The following GRIK2 variants were observed in gnomAD, a reference collection of about 807,000 sequenced individuals.
GRIK2 encodes glutamate ionotropic receptor kainate type subunit 2.
Under a neutral mutation model 100.3 loss-of-function variants are expected in GRIK2, and 32 were observed. The ratio of observed to expected loss-of-function variants is 0.32; its 90% CI spans 0.24 to 0.43. GRIK2 has a LOEUF of 0.43. Among genes scored for constraint, GRIK2 ranks in the 20% least tolerant of loss-of-function variants. GRIK2 has a pLI of 1.00. For missense variants in GRIK2, 843 were observed against 1,114.9 expected (o/e 0.76, Z 3.47); for synonymous variants, 417 against 389.4 (o/e 1.07, Z -0.83).
At chr6:101,427,280 A>G (rs986432753) in intron 2 of GRIK2, among the ~76,000 whole-genome samples, 1 of 152,220 alleles carries the variant, frequency 6.6e-6, no homozygotes, top group African/African-American at 2.4e-5. Context: ...AATTTCTTCC[A>G]CATTCAATAA....
chr6:101,795,128 A>G (rs1340448385), intron 7 of GRIK2, among the ~76,000 whole-genome samples: 1 of 152,028 alleles, frequency 6.6e-6, no homozygotes, highest in African/African-American at 2.4e-5. Context: ...CGGCCTCCCA[A>G]AGTGTTGGAA....
chr6:102,013,342 G>A (rs529645399), intron 14 of GRIK2, among the ~76,000 whole-genome samples: 10 of 152,224 alleles, frequency 6.6e-5, no homozygotes, highest in Admixed American at 2.6e-4. Context: ...GGCTGAGAAT[G>A]CAGAGCTTTC....
At chr6:101,471,425 C>T (rs948989362) in intron 2 of GRIK2, among the ~76,000 whole-genome samples, 1 of 152,050 alleles carries the variant, frequency 6.6e-6, no homozygotes, top group African/African-American at 2.4e-5. Flanking sequence ...GTGTCTATAA[C>T]TTTCATGCAG....
At chr6:102,065,922 T>A in intron 16 of GRIK2, 1 of 1,400,818 alleles carries the variant, frequency 7.1e-7, no homozygotes, top group South Asian at 1.6e-5. Context: ...AATAAGTACA[T>A]CTAATAGTAG....
At chr6:101,617,997 G>A (rs1026554156) in intron 2 of GRIK2, among the ~76,000 whole-genome samples, 12 of 151,452 alleles carry the variant, frequency 7.9e-5, no homozygotes, top group South Asian at 2.1e-4. Flanking sequence ...ACATATACAC[G>A]TGTGTGTGTC....
intron 12 of GRIK2, among the ~76,000 whole-genome samples, chr6:101,921,400 A>C (rs529082430): frequency 1.3e-5 from 2 of 152,188 alleles, no homozygotes; most frequent in South Asian, 4.1e-4. Flanking sequence ...ATATTTGGGG[A>C]AACAAATAAT....
chr6:101,525,980 A>G (rs184546093), intron 2 of GRIK2, among the ~76,000 whole-genome samples: 381 of 152,342 alleles, frequency 2.5e-3, no homozygotes, highest in African/African-American at 8.8e-3. Context: ...AAATGGGAGT[A>G]AAGTATAGCA....
intron 7 of GRIK2, among the ~76,000 whole-genome samples, chr6:101,747,120 T>A (rs560367251): frequency 2.6e-5 from 4 of 152,210 alleles, no homozygotes; most frequent in Non-Finnish European, 4.4e-5. Flanking sequence ...CCAAGTTTGG[T>A]ATCTTAAATC....
At chr6:101,516,203 C>T (rs1774576664) in intron 2 of GRIK2, among the ~76,000 whole-genome samples, 1 of 152,032 alleles carries the variant, frequency 6.6e-6, no homozygotes, top group South Asian at 2.1e-4. Flanking sequence ...CATCAGAATG[C>T]CACCATCATT....
intron 7 of GRIK2, among the ~76,000 whole-genome samples, chr6:101,764,525 G>GTGTA (rs1213262661): frequency 1.3e-5 from 2 of 152,112 alleles, no homozygotes; most frequent in Non-Finnish European, 2.9e-5. Context: ...ATATGTGAAA[G>GTGTA]TGTATTTCTA....
chr6:101,441,082 A>G (rs1367264783), intron 2 of GRIK2, among the ~76,000 whole-genome samples: 1 of 150,780 alleles, frequency 6.6e-6, no homozygotes, highest in Non-Finnish European at 1.5e-5. Context: ...GGCTCAAGTG[A>G]TCTTCCTGCC....
At chr6:101,720,416 TAGC>T (rs1774399805) in intron 7 of GRIK2, among the ~76,000 whole-genome samples, 1 of 152,038 alleles carries the variant, frequency 6.6e-6, no homozygotes, top group South Asian at 2.1e-4. Flanking sequence ...TGTTTAAGCA[TAGC>T]AGTTAATTTG....
At chr6:101,900,609 A>T (rs1285908413) in intron 12 of GRIK2, among the ~76,000 whole-genome samples, 1 of 150,874 alleles carries the variant, frequency 6.6e-6, no homozygotes, top group East Asian at 1.9e-4. Flanking sequence ...GATTTGTTTG[A>T]TACAATAGAG....
At position 101,751,501 on chromosome 6, in the gene GRIK2, A is replaced by T. The variant is rs186992430; in HGVS notation, c.952-48147A>T. Among the ~76,000 whole-genome samples the T allele has an allele frequency of 4.5e-4, 69 of 152,282 alleles. 1 individual carries two copies. The highest frequency in any genetic ancestry group is 1.6e-3 in the African/African-American group (68 of 41,562). ...TAAAAATATGGGCTTTAAAAACCATATATAACCAAAATACCAGAATACTAC... is the reference window on the plus strand; with the variant it reads ...TAAAAATATGGGCTTTAAAAACCATTTATAACCAAAATACCAGAATACTAC... On this transcript the variant is annotated intron_variant, in intron 7 of 16. Transcript: ENST00000369134.
At chr6:102,025,747 G>A (rs1474647649) in intron 14 of GRIK2, among the ~76,000 whole-genome samples, 1 of 151,204 alleles carries the variant, frequency 6.6e-6, no homozygotes, top group Non-Finnish European at 1.5e-5. Context: ...CAGGACAGGG[G>A]TCATGTTTTG....
rs552674183 is a variant in GRIK2, at chr6:101,736,564, C to T, written c.951+50211C>T. Among the ~76,000 whole-genome samples the T allele has an allele frequency of 2.4e-4, 37 of 152,312 alleles. No homozygotes were observed. In the South Asian group the frequency reaches 5.0e-3, roughly 20 times the overall value. On this transcript the variant is annotated intron_variant, in intron 7 of 16. Coordinates refer to ENST00000369134, the MANE Select transcript of GRIK2 (RefSeq NM_021956.5). ...CTCTGAAGCCACAGCCTGAGCTCTA[C>T]ATTGGCCCCTTTCAGCCGTGGCTAG...
chr6:101,702,645 T>C (rs544244267), intron 7 of GRIK2, among the ~76,000 whole-genome samples: 132 of 152,024 alleles, frequency 8.7e-4, no homozygotes, highest in Non-Finnish European at 2.4e-4. Context: ...TCACCTTCTA[T>C]GTGGTACATA....
At chr6:101,681,918 A>G (rs1771284993) in intron 5 of GRIK2, among the ~76,000 whole-genome samples, 1 of 152,186 alleles carries the variant, frequency 6.6e-6, no homozygotes, top group South Asian at 2.1e-4. Flanking sequence ...TGTTATAACT[A>G]AAAGTTCTAA....
At chr6:101,417,483 G>A (rs1045450545) in intron 2 of GRIK2, among the ~76,000 whole-genome samples, 1 of 152,114 alleles carries the variant, frequency 6.6e-6, no homozygotes, top group Non-Finnish European at 1.5e-5. Context: ...GCTGCTCTGT[G>A]CCCTCCTAAA....
Sources: gnomAD v4.1 joint callset for allele counts (sites outside exome capture counted in the v4.1 genomes callset) on GRCh38, gnomAD v4.1.1 for gene constraint, MANE v1.5 for transcripts, NCBI Gene and HGNC (gene_info 2026-07-23, HGNC 2026-07-21) for gene names.